Variants in PWWP2A observed in about 807,000 individuals in gnomAD.
PWWP2A encodes PWWP domain containing 2A, also known as PWWP domain-containing protein 2A.
In PWWP2A, 18 loss-of-function variants were observed where a neutral mutation model predicts 48.5. That is an observed-to-expected ratio of 0.37 (90% confidence interval 0.26 to 0.55). The LOEUF is 0.55. Among genes scored for constraint, PWWP2A ranks in the 20% least tolerant of loss-of-function variants. PWWP2A has a pLI of 0.81. For missense variants in PWWP2A, 867 were observed against 976.4 expected, an observed-to-expected ratio of 0.89 and a Z score of 1.49; for synonymous variants, 396 against 387.7, an observed-to-expected ratio of 1.02 and a Z score of -0.25.
chr5:160,108,668 A>C (rs1257542389), intron 1 of PWWP2A: 1 of 1,003,556 alleles, frequency 1.0e-6, no homozygotes, highest in African/African-American at 1.7e-5. Context: ...AAAACACGTA[A>C]ATTTTCTACA....
At chr5:160,052,138 G>A in the PWWP2A span, among the ~76,000 whole-genome samples, 2 of 152,178 alleles carry the variant, frequency 1.3e-5, no homozygotes, top group East Asian at 3.9e-4. Context: ...TTCCGATTCA[G>A]GATAGCTCTG....
chr5:160,081,028 C>T (rs1346636511), intron 2 of PWWP2A, among the ~76,000 whole-genome samples: 2 of 152,104 alleles, frequency 1.3e-5, no homozygotes, highest in South Asian at 2.1e-4. Flanking sequence ...CAGCAAGATG[C>T]AATGGGGCAC....
chr5:160,116,149 G>A (rs1758117529), intron 1 of PWWP2A, among the ~76,000 whole-genome samples: 1 of 151,992 alleles, frequency 6.6e-6, no homozygotes, highest in Admixed American at 6.6e-5. Flanking sequence ...CCACCTCCAG[G>A]GCTCAAGAGA....
chr5:160,049,465 T>G, the PWWP2A span: 7 of 1,494,942 alleles, frequency 4.7e-6, no homozygotes. Context: ...GCCAAAGATA[T>G]GTAGGCCATT....
At chr5:160,073,842 A>T (rs959408677), downstream of PWWP2A, among the ~76,000 whole-genome samples, 1 of 151,934 alleles carries the variant, frequency 6.6e-6, no homozygotes, top group Non-Finnish European at 1.5e-5. Flanking sequence ...AAGCGGGTGG[A>T]TCACTTGAGG....
chr5:160,054,832 C>T, the PWWP2A span, among the ~76,000 whole-genome samples: 1 of 151,886 alleles, frequency 6.6e-6, no homozygotes, highest in African/African-American at 2.4e-5. Flanking sequence ...TTCAATTTTA[C>T]AGTAGTAAAT....
In PWWP2A at chr5:160,093,343, T is replaced by C. The variant is rs1055950460; in HGVS notation, c.1307A>G (p.Lys436Arg). 6.2e-7 allele frequency: 1 copy of C among 1,613,910 alleles called. No homozygotes were observed. Among genetic ancestry groups the C allele is most frequent in the Admixed American group, 1.7e-5 (1 of 60,014 alleles). The change falls in exon 2 of 2, where the codon AAA (lysine) becomes AGA (arginine). Residue 436 changes from lysine to arginine, a missense_variant. By Grantham distance (26) the Lys-to-Arg change is conservative. This residue lies in a region of PWWP2A where 382 missense variants were observed against 407.2 expected (regional missense o/e 0.94). Transcript: ENST00000307063. The surrounding 1 kb of genome is among the most constrained non-coding windows in gnomAD (Gnocchi z 5.8). ...ATTTTGCTTCTTTTGTGCCTTTTCTTTGGCAATTTTTAACACTTCCCGAGC... is the reference window on the plus strand; with the variant it reads ...ATTTTGCTTCTTTTGTGCCTTTTCTCTGGCAATTTTTAACACTTCCCGAGC... Reference protein sequence around the residue: ...AKAREVLKIAKEKAQKKQNET... With the variant: ...AKAREVLKIAREKAQKKQNET...
rs73313109 is a variant in PWWP2A, at chr5:160,108,742, C to G, written c.584+10063G>C. The G allele has an allele frequency of 5.7e-3, 2,452 of 428,004 alleles. 60 individuals carry two copies. Among genetic ancestry groups the G allele is most frequent in the African/African-American group, 0.046 (2,229 of 48,928 alleles). The allele number at this position is 428,004 out of a possible 1,614,324, so 26.5% of individuals were successfully genotyped here. On this transcript the variant is annotated intron_variant, in intron 1 of 1. Transcript: ENST00000307063. ...AAGGAAATCATCAATTATTTTTAAT[C>G]CAACAGTACCCCCATGTACACACAC...
At chr5:160,112,126 C>A (rs796973013) in intron 1 of PWWP2A, among the ~76,000 whole-genome samples, 444 of 90,790 alleles carry the variant, frequency 4.9e-3, no homozygotes, top group South Asian at 5.4e-3. Flanking sequence ...GACCCTTTCT[C>A]AAAAAAAAAA....
chr5:160,058,823 GT>G (rs528284031), downstream of PWWP2A, among the ~76,000 whole-genome samples: 59 of 152,284 alleles, frequency 3.9e-4, no homozygotes, highest in Middle Eastern at 3.4e-3. Flanking sequence ...TAATCTCCTT[GT>G]TCATCTCAGA....
chr5:160,100,753 C>G (rs1756190506), intron 1 of PWWP2A, among the ~76,000 whole-genome samples: 1 of 152,188 alleles, frequency 6.6e-6, no homozygotes, highest in Non-Finnish European at 1.5e-5. Flanking sequence ...CATATTTCAT[C>G]TCTTTGTGAG....
intron 2 of PWWP2A, among the ~76,000 whole-genome samples, chr5:160,067,327 A>T (rs1424719436): frequency 1.3e-5 from 2 of 152,168 alleles, no homozygotes; most frequent in African/African-American, 4.8e-5. Flanking sequence ...CAAAATACAG[A>T]TAGACACCTT....
chr5:160,057,653 C>T (rs1368885631), downstream of PWWP2A, among the ~76,000 whole-genome samples: 1 of 152,154 alleles, frequency 6.6e-6, no homozygotes. The surrounding 1 kb of genome is among the most constrained non-coding windows in gnomAD (Gnocchi z 4.4). Flanking sequence ...TTCTCAGTAG[C>T]ATGCAGTGCT....
exon 3 of PWWP2A, chr5:160,080,739 T>G (rs1337371162): frequency 6.4e-7 from 1 of 1,569,334 alleles, no homozygotes; most frequent in Non-Finnish European, 8.7e-7. Flanking sequence ...GACTCGTCAC[T>G]GTCTGATGTA....
intron 4 of PWWP2A, among the ~76,000 whole-genome samples, chr5:160,063,964 G>T (rs1396620466): frequency 1.0e-5 from 1 of 98,788 alleles, no homozygotes; most frequent in East Asian, 3.5e-4. Context: ...TATAGACCAT[G>T]ACTTTTTTTT....
At chr5:160,115,586 G>A (rs575139255) in intron 1 of PWWP2A, among the ~76,000 whole-genome samples, 4 of 151,818 alleles carry the variant, frequency 2.6e-5, no homozygotes, top group Non-Finnish European at 4.4e-5. Context: ...CCAGCTACTC[G>A]GGAGGCTGAG....
rs1200226500 is a variant in PWWP2A at position 160,098,880 on chromosome 5, G to C, written c.585-4815C>G. ...TTACTCAGGAGGCCGAGGTTGCAGT[G>C]AGCTGAGATCACGCCACTGCACTCC... On this transcript the variant is annotated intron_variant, in intron 1 of 1. Transcript: ENST00000307063. Among the ~76,000 whole-genome samples the C allele has an allele frequency of 2.0e-5, 3 of 152,160 alleles. 1 individual carries two copies. In the South Asian group the frequency reaches 6.2e-4, roughly 32 times the overall value.
At chr5:160,051,239 A>T in the PWWP2A span, 1 of 1,441,892 alleles carries the variant, frequency 6.9e-7, no homozygotes, top group East Asian at 2.3e-5. Context: ...TAGGGTGGGG[A>T]CATAGCGAAT....
At chr5:160,116,571 T>A (rs755007415) in intron 1 of PWWP2A, 2 of 576,594 alleles carry the variant, frequency 3.5e-6, no homozygotes, top group Non-Finnish European at 4.4e-6. Flanking sequence ...TTGCTGTTTC[T>A]AAGCACTGAT....
Sources: allele counts gnomAD v4.1 joint callset (sites outside exome capture counted in the v4.1 genomes callset), GRCh38; gene constraint gnomAD v4.1.1; regional missense constraint gnomAD v4.1.1; non-coding constraint Gnocchi (gnomAD v3.1); transcripts MANE v1.5; gene names NCBI Gene and HGNC (gene_info 2026-07-23, HGNC 2026-07-21).